Variants in KSR2 observed in about 807,000 individuals in gnomAD.
KSR2 encodes kinase suppressor of ras 2.
KSR2 carries 25 observed loss-of-function variants against 107.8 expected under a neutral mutation model. That is an observed-to-expected ratio of 0.23 (90% CI 0.17 to 0.32). KSR2 has a LOEUF of 0.32. Among genes scored for constraint, KSR2 ranks in the 10% least tolerant of loss-of-function variants. The pLI, the probability that KSR2 is intolerant of heterozygous loss-of-function variation, is 1.00. For missense variants in KSR2, 887 were observed against 1,268.9 expected (o/e 0.70, Z 4.57); for synonymous variants, 480 against 507.0 (o/e 0.95, Z 0.71).
intron 5 of KSR2, among the ~76,000 whole-genome samples, chr12:117,592,681 G>C (rs1880397741): frequency 6.6e-6 from 1 of 152,242 alleles, no homozygotes; most frequent in African/African-American, 2.4e-5. Flanking sequence ...TGTGCTCACT[G>C]CTGAATTTAT....
At chr12:117,688,339 T>G (rs1194876941) in intron 4 of KSR2, among the ~76,000 whole-genome samples, 1 of 152,152 alleles carries the variant, frequency 6.6e-6, no homozygotes, top group Non-Finnish European at 1.5e-5. Flanking sequence ...ATCACGCCAC[T>G]GCACCCCGGC....
chr12:117,513,112 C>T (rs933950021), intron 14 of KSR2, among the ~76,000 whole-genome samples: 5 of 152,052 alleles, frequency 3.3e-5, no homozygotes, highest in Non-Finnish European at 5.9e-5. Context: ...CCCTCCATCT[C>T]GTTTCCCTCT....
At chr12:117,635,712 C>T (rs1883035223) in intron 5 of KSR2, among the ~76,000 whole-genome samples, 1 of 151,954 alleles carries the variant, frequency 6.6e-6, no homozygotes, top group African/African-American at 2.4e-5. Flanking sequence ...TCTCATATAC[C>T]CTTCACCCAG....
At chr12:117,654,349 C>T (rs1191492119) in intron 5 of KSR2, among the ~76,000 whole-genome samples, 1 of 152,194 alleles carries the variant, frequency 6.6e-6, no homozygotes, top group Non-Finnish European at 1.5e-5. Flanking sequence ...GCCATCCTGC[C>T]TTCTCTTCCC....
In KSR2 at chr12:117,491,183, T is replaced by G. The variant is rs142384775; in HGVS notation, c.2220-5492A>C. On this transcript the variant is annotated intron_variant, in intron 14 of 19. Transcript: ENST00000339824. ...GATCATGTGGTATTTGTCTTTTAATTAATATATTTATTTTGAGATGGAGTC... is the reference window on the plus strand; with the variant it reads ...GATCATGTGGTATTTGTCTTTTAATGAATATATTTATTTTGAGATGGAGTC... 3.1e-3 allele frequency among the ~76,000 whole-genome samples: 479 copies of G among 152,236 alleles called. 2 individuals are homozygous for G. Among genetic ancestry groups the G allele is most frequent in the African/African-American group, 0.011 (453 of 41,542 alleles).
intron 5 of KSR2, among the ~76,000 whole-genome samples, chr12:117,654,511 C>A (rs1404343510): frequency 1.3e-5 from 2 of 152,200 alleles, no homozygotes; most frequent in East Asian, 3.9e-4. Flanking sequence ...TAGGACATCC[C>A]TGAAGGACAG....
intron 3 of KSR2, among the ~76,000 whole-genome samples, chr12:117,806,592 C>A (rs935761326): frequency 6.6e-6 from 1 of 152,178 alleles, no homozygotes; most frequent in Non-Finnish European, 1.5e-5. Flanking sequence ...GGTGCAACCA[C>A]CACCTCTATC....
chr12:117,792,445 G>A (rs1890285420), intron 3 of KSR2, among the ~76,000 whole-genome samples: 1 of 152,180 alleles, frequency 6.6e-6, no homozygotes, highest in Non-Finnish European at 1.5e-5. Flanking sequence ...GTTAGCTTTT[G>A]GGCCTCAACA....
At chr12:117,570,163 C>T (rs1239139405) in intron 7 of KSR2, among the ~76,000 whole-genome samples, 3 of 152,116 alleles carry the variant, frequency 2.0e-5, no homozygotes, top group Non-Finnish European at 4.4e-5. Context: ...CCACCGCGCC[C>T]GGCTAATTTT....
intron 5 of KSR2, among the ~76,000 whole-genome samples, chr12:117,620,836 A>G (rs556925147): frequency 7.9e-5 from 12 of 152,302 alleles, no homozygotes; most frequent in African/African-American, 2.9e-4. Flanking sequence ...AGTTCTGGGA[A>G]AGCAGGGAGA....
intron 4 of KSR2, among the ~76,000 whole-genome samples, chr12:117,734,532 A>C (rs1887864589): frequency 6.6e-6 from 1 of 152,054 alleles, no homozygotes; most frequent in Non-Finnish European, 1.5e-5. Context: ...TCCATACTCC[A>C]AATTCTCTGG....
intron 9 of KSR2, among the ~76,000 whole-genome samples, chr12:117,552,591 T>A (rs7964516): frequency 2.8e-3 from 430 of 152,274 alleles, no homozygotes; most frequent in Non-Finnish European, 4.9e-3. Flanking sequence ...CTAGTTGACA[T>A]CTCTGCTGAA....
intron 4 of KSR2, among the ~76,000 whole-genome samples, chr12:117,701,373 G>A (rs1886304804): frequency 6.6e-6 from 1 of 152,328 alleles, no homozygotes; most frequent in East Asian, 1.9e-4. Context: ...GATTACAGGT[G>A]TGAGCCACTG....
At chr12:117,848,834 A>AATGATG (rs1555249461) in intron 3 of KSR2, among the ~76,000 whole-genome samples, 1 of 133,724 alleles carries the variant, frequency 7.5e-6, no homozygotes, top group Non-Finnish European at 1.7e-5. Flanking sequence ...TGATGGTGGT[A>AATGATG]GTGGTGGTGA....
At chr12:117,556,357 G>A (rs956369411) in intron 8 of KSR2, among the ~76,000 whole-genome samples, 18 of 152,160 alleles carry the variant, frequency 1.2e-4, no homozygotes, top group African/African-American at 4.1e-4. Flanking sequence ...TTTTTCCAAT[G>A]AGGCTGACCC....
intron 5 of KSR2, among the ~76,000 whole-genome samples, chr12:117,663,536 T>C (rs1237250720): frequency 6.6e-6 from 1 of 152,214 alleles, no homozygotes; most frequent in Admixed American, 6.5e-5. Flanking sequence ...AGCCACCCTT[T>C]ATTGAGACTC....
At chr12:117,840,103 T>A (rs867571055) in intron 3 of KSR2, among the ~76,000 whole-genome samples, 2,537 of 129,616 alleles carry the variant, frequency 0.02, 89 homozygotes, top group African/African-American at 0.071. Flanking sequence ...TTATTTTATT[T>A]TATTTTTTTT....
intron 4 of KSR2, among the ~76,000 whole-genome samples, chr12:117,669,266 G>T (rs544406998): frequency 6.6e-6 from 1 of 152,310 alleles, no homozygotes; most frequent in East Asian, 1.9e-4. Flanking sequence ...ATAGCAATGT[G>T]TTATGAGTGC....
At chr12:117,562,458 C>T (rs762063988) in intron 7 of KSR2, among the ~76,000 whole-genome samples, 70 of 152,252 alleles carry the variant, frequency 4.6e-4, no homozygotes, top group Non-Finnish European at 9.4e-4. Context: ...AGCTGGACTC[C>T]ACCCCAGAAA....
Sources: allele counts gnomAD v4.1 joint callset (sites outside exome capture counted in the v4.1 genomes callset), GRCh38; gene constraint gnomAD v4.1.1; transcripts MANE v1.5; gene names NCBI Gene and HGNC (gene_info 2026-07-23, HGNC 2026-07-21).